CROCC2: variants seen among roughly 807,000 people sequenced by gnomAD.
CROCC2 encodes ciliary rootlet coiled-coil, rootletin family member 2, also known as ciliary rootlet coiled-coil protein 2.
Under a neutral mutation model 177.6 loss-of-function variants are expected in CROCC2, and 163 were observed. That is an observed-to-expected ratio of 0.92 (90% confidence interval 0.81 to 1.05). CROCC2 has a LOEUF of 1.05. Ranked by LOEUF, CROCC2 falls within the 50% of genes least tolerant of loss-of-function variation. The pLI, the probability that CROCC2 is intolerant of heterozygous loss-of-function variation, is 0.00. For synonymous variants in CROCC2, 904 were observed against 787.3 expected, an observed-to-expected ratio of 1.15 and a Z score of -2.48; for missense variants, 1,929 against 1,797.8, an observed-to-expected ratio of 1.07 and a Z score of -1.32.
chr2:240,963,354 C>T, intron 20 of CROCC2: 1 of 575,380 alleles, frequency 1.7e-6, no homozygotes, highest in South Asian at 2.7e-5. Context: ...CTTAGGCTGG[C>T]CCTGCCTCAG....
intron 4 of CROCC2, among the ~76,000 whole-genome samples, chr2:240,922,886 G>A (rs1172461436): frequency 6.6e-6 from 1 of 152,106 alleles, no homozygotes; most frequent in Non-Finnish European, 1.5e-5. Flanking sequence ...GGCCTGCAGC[G>A]CGCTCCCTCT....
At chr2:240,963,506 C>A in intron 20 of CROCC2, 50 bp from the exon 21 acceptor site, 1 of 1,463,302 alleles carries the variant, frequency 6.8e-7, no homozygotes, top group Admixed American at 2.4e-5. Flanking sequence ...GTGGCTATCC[C>A]TGGAGCAGTG....
chr2:240,935,091 C>T (rs1430205980), intron 13 of CROCC2, 29 bp downstream of exon 13: 10 of 1,323,346 alleles, frequency 7.6e-6, no homozygotes, highest in South Asian at 2.3e-5. Context: ...GGGCGGGCCT[C>T]GCTGGAACCT....
In CROCC2 at chr2:240,960,617, C is replaced by G. The variant is rs1006002863; in HGVS notation, c.3087+1173C>G. Among the ~76,000 whole-genome samples, 1 of 152,136 alleles carries G rather than the reference C, an allele frequency of 6.6e-6. No individual in the cohort carries two copies. The highest frequency in any genetic ancestry group is 3.2e-3 in the Middle Eastern group (1 of 316). ...CACGGGGACGGGGCGACCTCGCACACTCCCTGGGCTGCTTGCCAAGGCTGG... is the reference window on the plus strand; with the variant it reads ...CACGGGGACGGGGCGACCTCGCACAGTCCCTGGGCTGCTTGCCAAGGCTGG... On this transcript the variant is annotated intron_variant, in intron 20 of 31. Transcript: ENST00000690015. The surrounding 1 kb of genome is among the most constrained non-coding windows in gnomAD (Gnocchi z 5.0).
Position 240,972,771 on chromosome 2 carries a change from T to C in CROCC2, c.4401+4509T>C, listed in dbSNP as rs950325752. On this transcript the variant is annotated intron_variant, in intron 27 of 31. Transcript: ENST00000690015. The surrounding 1 kb of genome is among the most constrained non-coding windows in gnomAD (Gnocchi z 7.1). ...TAGGCCAAGTTGGTCTCATCTGCCCTCGGGAGTCCTCCAAGTCCCTGGTCT... is the reference window on the plus strand; with the variant it reads ...TAGGCCAAGTTGGTCTCATCTGCCCCCGGGAGTCCTCCAAGTCCCTGGTCT... Among the ~76,000 whole-genome samples the C allele has an allele frequency of 6.6e-6, 1 of 152,130 alleles. No individual in the cohort carries two copies. Among genetic ancestry groups the C allele is most frequent in the African/African-American group, 2.4e-5 (1 of 41,436 alleles).
chr2:240,935,014 G>T lies in CROCC2; in HGVS notation c.1890G>T (p.Met630Ile). Reference sequence around the variant, plus strand: ...CCCTGGCCGCAATGGCCGCCTTGATGGAGGGGTTGGCTCAGGACAAAAGTG... The same window carrying T: ...CCCTGGCCGCAATGGCCGCCTTGATTGAGGGGTTGGCTCAGGACAAAAGTG... ...RDSLAAMAAL[M>I]EGLAQDKSAL... The change falls in exon 13 of 32, where the codon ATG becomes ATT. Residue 630 changes from methionine to isoleucine, a missense_variant. Physicochemically the swap from Met to Ile is conservative, Grantham distance 10. Around this residue, in one of 3 missense-constraint regions of CROCC2, gnomAD observed 1,397 missense variants for 1,239.9 expected, o/e 1.13. Transcript: ENST00000690015. 2 of 1,436,604 alleles carry T rather than the reference G, an allele frequency of 1.4e-6. No homozygotes were observed. The highest frequency in any genetic ancestry group is 1.8e-6 in the Non-Finnish European group (2 of 1,092,656). 89.0% of individuals were successfully genotyped at this position (1,436,604 alleles called of 1,614,324 possible). A position where few individuals can be genotyped will look rare whatever the true frequency, so the allele number is the denominator to read the frequency against.
At chr2:240,946,327 AT>A in intron 15 of CROCC2, 74 bp downstream of exon 15, 1 of 1,375,534 alleles carries the variant, frequency 7.3e-7, no homozygotes, top group East Asian at 2.5e-5. Flanking sequence ...GTGGCAGGGT[AT>A]GGGGACAATC....
At position 240,935,432 on chromosome 2, in the gene CROCC2, G is replaced by C; in HGVS notation, c.2013G>C (p.Gln671His). Residue 671 changes from glutamine (Q) to histidine (H), a missense_variant, in exon 14 of 32, where the codon CAG becomes CAC. By Grantham distance (24) the Gln-to-His change is conservative. This residue lies in a region of CROCC2 where 1,397 missense variants were observed against 1,239.9 expected (regional missense o/e 1.13). Coordinates refer to ENST00000690015, the MANE Select transcript of CROCC2 (RefSeq NM_001351305.2). ...AGGAACGGGCCCGGGCCGGGGAGCAGCTGGCACAGGCGGAGCAGCAGCTGG... is the reference window on the plus strand; with the variant it reads ...AGGAACGGGCCCGGGCCGGGGAGCACCTGGCACAGGCGGAGCAGCAGCTGG... The part of the protein sequence containing the change: ...LEQERARAGE[Q>H]LAQAEQQLAL... 7.3e-7 allele frequency: 1 copy of C among 1,373,646 alleles called. No homozygotes were observed. The allele number at this position is 1,373,646 out of a possible 1,614,324, so 85.1% of individuals were successfully genotyped here.
chr2:240,918,860 T>C lies in CROCC2; in HGVS notation c.213T>C (p.Ser71=). Residue 71 remains serine (S), a synonymous_variant, in exon 2 of 32, where the codon AGT becomes AGC. Transcript: ENST00000690015. This position sits in a 1 kb window ranked among gnomAD's most constrained non-coding sequence, Gnocchi z 6.3. Reference sequence around the variant, plus strand: ...GTGAGATCGTGGCCGGCAGCCTGAGTGAGGAGCCACCCCAAGGTGATGGTG... The same window carrying C: ...GTGAGATCGTGGCCGGCAGCCTGAGCGAGGAGCCACCCCAAGGTGATGGTG... ...RIREIVAGSL[S]EEPPQAGVQE... The C allele has an allele frequency of 1.5e-6, 1 of 663,306 alleles. No individual in the cohort carries two copies. The highest frequency in any genetic ancestry group is 2.8e-6 in the Non-Finnish European group (1 of 359,522). The allele number at this position is 663,306 out of a possible 1,614,324, so 41.1% of individuals were successfully genotyped here.
At chr2:240,979,763 G>C (rs1291953843) in intron 27 of CROCC2, among the ~76,000 whole-genome samples, 76 of 5,550 alleles carry the variant, frequency 0.014, no homozygotes, top group East Asian at 0.1. Flanking sequence ...TCTGGGGTAG[G>C]AGCCTCTGGA....
At chr2:240,968,283 G>A (rs1311568815) in intron 27 of CROCC2, 21 bp downstream of exon 27, 13 of 1,515,922 alleles carry the variant, frequency 8.6e-6, no homozygotes, top group Non-Finnish European at 1.1e-5. Flanking sequence ...CGGCAGGGTG[G>A]GTCCCAGGTG....
At chr2:240,956,129 G>A (rs1294807451) in intron 19 of CROCC2, among the ~76,000 whole-genome samples, 157 bp downstream of exon 19, 1 of 152,248 alleles carries the variant, frequency 6.6e-6, no homozygotes, top group Non-Finnish European at 1.5e-5. Context: ...CTCCTGGTGG[G>A]AGGGGCACTC....
rs954731240 is a variant in CROCC2, at chr2:240,935,583, G to T, written c.2164G>T (p.Gly722Cys). 7.3e-7 allele frequency: 1 copy of T among 1,373,952 alleles called. No individual in the cohort carries two copies. Among genetic ancestry groups the T allele is most frequent in the Middle Eastern group, 2.7e-4 (1 of 3,638 alleles). 85.1% of individuals were successfully genotyped at this position (1,373,952 alleles called of 1,614,324 possible). ...REKAQLQEQVGQVTCQKQALE... is the reference protein window; with the variant it reads ...REKAQLQEQVCQVTCQKQALE... ...GAAGGCCCAGCTCCAGGAGCAGGTG[G>T]GCCAGGTGAGGACGTCTGCAGGGCA... Residue 722 changes from glycine (G) to cysteine (C), a missense_variant, in exon 14 of 32, where the codon GGC becomes TGC. By Grantham distance (159) the Gly-to-Cys change is radical. Coordinates refer to ENST00000690015, the MANE Select transcript of CROCC2 (RefSeq NM_001351305.2).
chr2:240,925,446 G>A (rs920796326), intron 4 of CROCC2, among the ~76,000 whole-genome samples: 1 of 152,218 alleles, frequency 6.6e-6, no homozygotes, highest in Non-Finnish European at 1.5e-5. Flanking sequence ...TGCAGAGCCA[G>A]AGCCAGGAGA....
At position 240,968,188 on chromosome 2, in the gene CROCC2, G is replaced by A; in HGVS notation, c.4327G>A (p.Glu1443Lys). 6.5e-7 allele frequency: 1 copy of A among 1,532,540 alleles called. No individual in the cohort carries two copies. The highest frequency in any genetic ancestry group is 1.4e-5 in the African/African-American group (1 of 73,044). The allele number at this position is 1,532,540 out of a possible 1,614,324, so 94.9% of individuals were successfully genotyped here. ...SARAARALQK[E>K]ALRRLELEHL... Reference sequence around the variant, plus strand: ...CCGGGCAGCACGTGCCCTGCAGAAGGAGGCGCTCCGCAGGCTGGAGTTGGA... The same window carrying A: ...CCGGGCAGCACGTGCCCTGCAGAAGAAGGCGCTCCGCAGGCTGGAGTTGGA... The change falls in exon 27 of 32, where the codon GAG (glutamate) becomes AAG (lysine). Residue 1443 changes from glutamate to lysine, a missense_variant. By Grantham distance (56) the Glu-to-Lys change is moderately conservative. Transcript: ENST00000690015.
At position 240,960,808 on chromosome 2, in the gene CROCC2, G is replaced by A. The variant is rs534461100; in HGVS notation, c.3087+1364G>A. 1.1e-4 allele frequency among the ~76,000 whole-genome samples: 16 copies of A among 151,698 alleles called. No homozygotes were observed. The highest frequency in any genetic ancestry group is 3.4e-4 in the African/African-American group (14 of 41,356). On this transcript the variant is annotated intron_variant, in intron 20 of 31. Transcript: ENST00000690015. The surrounding 1 kb of genome is among the most constrained non-coding windows in gnomAD (Gnocchi z 5.0). ...AGAACATGATTTAACATGACCGGCTGTTTACATTGGCCCCAAGGAGAAAGG... is the reference window on the plus strand; with the variant it reads ...AGAACATGATTTAACATGACCGGCTATTTACATTGGCCCCAAGGAGAAAGG...
intron 27 of CROCC2, among the ~76,000 whole-genome samples, chr2:240,968,726 G>A (rs1459171641): frequency 1.3e-5 from 2 of 152,262 alleles, no homozygotes; most frequent in African/African-American, 4.8e-5. Context: ...CACAGAAGGG[G>A]CCTCTCAGGA....
chr2:240,919,063 GTCCTGGGCCCGGGGCTGGGC>G lies in CROCC2; in HGVS notation c.229+188_229+207del, dbSNP rs1273994786. 7.4e-4 allele frequency among the ~76,000 whole-genome samples: 105 copies of G among 141,214 alleles called. 1 individual carries two copies. The highest frequency in any genetic ancestry group is 1.4e-3 in the Non-Finnish European group (89 of 65,318). The allele number at this position is 141,214 out of a possible 152,430, so 92.6% of individuals were successfully genotyped here. A position where few individuals can be genotyped will look rare whatever the true frequency, so the allele number is the denominator to read the frequency against. Reference sequence around the variant, plus strand: ...GGGCAAGGTGATGGCGTGGGGGACGGTCCTGGGCCCGGGGCTGGGCAAGGTGATGGCGTGGGGGACGGTCC... The same window carrying G: ...GGGCAAGGTGATGGCGTGGGGGACGGAAGGTGATGGCGTGGGGGACGGTCC... On this transcript the variant is annotated intron_variant, in intron 2 of 31. Transcript: ENST00000690015.
intron 27 of CROCC2, among the ~76,000 whole-genome samples, chr2:240,975,305 TG>T (rs981020916): frequency 1.3e-5 from 2 of 152,230 alleles, no homozygotes; most frequent in Admixed American, 6.5e-5. Flanking sequence ...GCCCTCTGTC[TG>T]GCCCCAGAGT....
Sources: allele counts gnomAD v4.1 joint callset (sites outside exome capture counted in the v4.1 genomes callset), GRCh38; gene constraint gnomAD v4.1.1; regional missense constraint gnomAD v4.1.1; non-coding constraint Gnocchi (gnomAD v3.1); transcripts MANE v1.5; gene names NCBI Gene and HGNC (gene_info 2026-07-23, HGNC 2026-07-21).